Variants in ANKHD1 observed in about 807,000 individuals in gnomAD.
ANKHD1 encodes the protein ankyrin repeat and KH domain-containing protein 1.
A neutral mutation model predicts 230.5 loss-of-function variants in ANKHD1; 31 were observed. The observed-to-expected ratio is 0.13, with a 90% CI of 0.10 to 0.18. The LOEUF (loss-of-function observed/expected upper bound fraction) is 0.18, where lower values mean the gene tolerates loss of function less well. Among genes scored for constraint, ANKHD1 ranks in the 10% least tolerant of loss-of-function variants. ANKHD1 has a pLI of 1.00. For missense variants in ANKHD1, 2,256 were observed against 3,071.3 expected, an observed-to-expected ratio of 0.73 and a Z score of 6.27; for synonymous variants, 1,074 against 1,117.6, an observed-to-expected ratio of 0.96 and a Z score of 0.78.
intron 9 of ANKHD1, among the ~76,000 whole-genome samples, chr5:140,462,169 CTTTT>C (rs1012056714): frequency 6.9e-6 from 1 of 144,526 alleles, no homozygotes; most frequent in Non-Finnish European, 1.5e-5. Context: ...AGGTTTGATT[CTTTT>C]TTTTTTGTTT....
chr5:140,443,093 GACGGGGTTTC>G (rs1773988778), intron 5 of ANKHD1, among the ~76,000 whole-genome samples: 1 of 151,696 alleles, frequency 6.6e-6, no homozygotes, highest in Non-Finnish European at 1.5e-5. Flanking sequence ...TTTTAGTAGA[GACGGGGTTTC>G]ACCGTGTTAG....
Position 140,505,238 on chromosome 5 carries a change from A to T in ANKHD1, c.3262+5A>T, listed in dbSNP as rs757043480. ...TTGAACACAGAGACAAAAAAGGTAA[A>T]TATCAGTCAGAAATAAAATCCAAGT... On this transcript the variant is annotated splice_donor_5th_base_variant and intron_variant, in intron 17 of 33. Coordinates refer to ENST00000360839, the MANE Select transcript of ANKHD1 (RefSeq NM_017747.3). The T allele has an allele frequency of 1.2e-6, 2 of 1,613,726 alleles. No homozygotes were observed.
chr5:140,444,839 A>G (rs942044755), intron 5 of ANKHD1, among the ~76,000 whole-genome samples: 1 of 152,120 alleles, frequency 6.6e-6, no homozygotes, highest in African/African-American at 2.4e-5. Context: ...GACAACTGTT[A>G]CTCTACTTTC....
At chr5:140,522,255 G>A (rs2127079043) in intron 24 of ANKHD1, among the ~76,000 whole-genome samples, 1 of 152,310 alleles carries the variant, frequency 6.6e-6, no homozygotes, top group East Asian at 1.9e-4. Flanking sequence ...TTAGTGAAAT[G>A]TTTTCAAAAT....
At chr5:140,501,138 G>A (rs565292791) in intron 15 of ANKHD1, among the ~76,000 whole-genome samples, 1 of 142,692 alleles carries the variant, frequency 7.0e-6, no homozygotes, top group Admixed American at 7.2e-5. Flanking sequence ...ACACTGTCAC[G>A]CATCTTGGCT....
chr5:140,501,985 T>C (rs947773954), intron 15 of ANKHD1, among the ~76,000 whole-genome samples: 3 of 149,516 alleles, frequency 2.0e-5, no homozygotes. Context: ...GAGGATTGCA[T>C]GAGGCCAAGA....
chr5:140,463,170 G>A (rs911020736), intron 9 of ANKHD1, among the ~76,000 whole-genome samples: 6 of 151,872 alleles, frequency 4.0e-5, no homozygotes, highest in Non-Finnish European at 8.8e-5. Context: ...TTTTTTATTT[G>A]AACATCATTT....
At chr5:140,426,309 G>A (rs990829594) in intron 1 of ANKHD1, among the ~76,000 whole-genome samples, 2 of 151,788 alleles carry the variant, frequency 1.3e-5, no homozygotes, top group African/African-American at 4.8e-5. Context: ...TTGTATTTTT[G>A]GTAGAGACAG....
At chr5:140,486,900 A>G (rs1581326203) in intron 13 of ANKHD1, 58 bp from the exon 14 acceptor site, 2 of 1,536,880 alleles carry the variant, frequency 1.3e-6, no homozygotes, top group Non-Finnish European at 1.8e-6. Flanking sequence ...TGTTTCATTT[A>G]TGGGCCTTTG....
At chr5:140,406,493 G>A (rs2126836210) in intron 1 of ANKHD1, among the ~76,000 whole-genome samples, 1 of 151,908 alleles carries the variant, frequency 6.6e-6, no homozygotes, top group South Asian at 2.1e-4. Context: ...GAAAAAACAA[G>A]CTACTCTTTC....
chr5:140,456,015 G>A (rs1290650837), intron 7 of ANKHD1, among the ~76,000 whole-genome samples: 3 of 152,320 alleles, frequency 2.0e-5, no homozygotes, highest in African/African-American at 7.2e-5. Flanking sequence ...CTTCAGCAAA[G>A]TCTCAGGATA....
intron 15 of ANKHD1, among the ~76,000 whole-genome samples, chr5:140,504,589 G>A (rs77007767): frequency 6.6e-6 from 1 of 151,902 alleles, no homozygotes; most frequent in Non-Finnish European, 1.5e-5. Flanking sequence ...CATTATTTTC[G>A]CCATTCTACA....
At position 140,511,760 on chromosome 5, in the gene ANKHD1, C is replaced by T. The variant is rs962189297; in HGVS notation, c.4105-1068C>T. 3.3e-5 allele frequency among the ~76,000 whole-genome samples: 5 copies of T among 152,104 alleles called. No homozygotes were observed. In the East Asian group the frequency reaches 7.7e-4, roughly 23 times the overall value. On this transcript the variant is annotated intron_variant, in intron 22 of 33. Coordinates refer to ENST00000360839, the MANE Select transcript of ANKHD1 (RefSeq NM_017747.3). ...TGATAAACGTATACATACATGTAAC[C>T]CATACCCCATAAACATATAAATTAT...
chr5:140,404,720 C>T lies in ANKHD1; in HGVS notation c.306+2447C>T, dbSNP rs372837351. On this transcript the variant is annotated intron_variant, in intron 1 of 33. Coordinates refer to ENST00000360839, the MANE Select transcript of ANKHD1 (RefSeq NM_017747.3). ...GATTACAGGCATGAGCCACCACGCCCGGCCTTAATTTTTTTTTTTTTTTTG... is the reference window on the plus strand; with the variant it reads ...GATTACAGGCATGAGCCACCACGCCTGGCCTTAATTTTTTTTTTTTTTTTG... 3.5e-4 allele frequency among the ~76,000 whole-genome samples: 53 copies of T among 151,404 alleles called. 1 individual carries two copies. The East Asian group carries it at 5.8e-3, about 17-fold the overall frequency.
chr5:140,509,999 T>C lies in ANKHD1; in HGVS notation c.3942-20T>C. ...GCCTCTTCTTACAGGAAACAAACTA[T>C]TAATATGCCTTGTTTACAGGGGAGC... On this transcript the variant is annotated intron_variant, in intron 21 of 33. Coordinates refer to ENST00000360839, the MANE Select transcript of ANKHD1 (RefSeq NM_017747.3). 1 of 1,595,412 alleles carries C rather than the reference T, an allele frequency of 6.3e-7. No homozygotes were observed. Among genetic ancestry groups the C allele is most frequent in the Non-Finnish European group, 8.5e-7 (1 of 1,170,042 alleles).
At chr5:140,461,189 A>G (rs989266500) in intron 9 of ANKHD1, among the ~76,000 whole-genome samples, 1 of 152,196 alleles carries the variant, frequency 6.6e-6, no homozygotes, top group African/African-American at 2.4e-5. Flanking sequence ...ATTCTTGTAG[A>G]TGAGGGAACT....
Position 140,436,105 on chromosome 5 carries a change from T to C in ANKHD1, c.308T>C (p.Val103Ala). The C allele has an allele frequency of 6.4e-7, 1 of 1,555,274 alleles. No homozygotes were observed. The highest frequency in any genetic ancestry group is 8.7e-7 in the Non-Finnish European group (1 of 1,154,314). ...SGSDEDEVSE[V>A]ESFILDQEDL... ...ATTGCATCTTTATTTCATTAACAGGTTGAATCATTTATTTTGGACCAAGAA... is the reference window on the plus strand; with the variant it reads ...ATTGCATCTTTATTTCATTAACAGGCTGAATCATTTATTTTGGACCAAGAA... The change falls in exon 2 of 34, where the codon GTT (valine) becomes GCT (alanine). Residue 103 changes from valine (V) to alanine (A), a missense_variant and splice_region_variant. Physicochemically the swap from Val to Ala is moderately conservative, Grantham distance 64. Transcript: ENST00000360839.
intron 1 of ANKHD1, among the ~76,000 whole-genome samples, chr5:140,420,605 G>T (rs969067295): frequency 6.6e-6 from 1 of 152,082 alleles, no homozygotes; most frequent in African/African-American, 2.4e-5. Flanking sequence ...TATCCCCCTT[G>T]AATTGTCTTT....
chr5:140,447,333 G>C, intron 6 of ANKHD1, among the ~76,000 whole-genome samples: 1 of 152,074 alleles, frequency 6.6e-6, no homozygotes, highest in Middle Eastern at 3.2e-3. Flanking sequence ...CTCCTGAATA[G>C]CTAGGATTAC....
Sources: allele counts gnomAD v4.1 joint callset (sites outside exome capture counted in the v4.1 genomes callset), GRCh38; gene constraint gnomAD v4.1.1; transcripts MANE v1.5; gene names NCBI Gene and HGNC (gene_info 2026-07-23, HGNC 2026-07-21).